Variants in SEMA3F observed in about 807,000 individuals in gnomAD.
SEMA3F encodes the protein semaphorin 3F.
Under a neutral mutation model 98.5 loss-of-function variants are expected in SEMA3F, and 30 were observed. That is an observed-to-expected ratio of 0.30 (90% CI 0.23 to 0.41). The LOEUF (loss-of-function observed/expected upper bound fraction) is 0.41, where lower values mean the gene tolerates loss of function less well. Among genes scored for constraint, SEMA3F ranks in the 10% least tolerant of loss-of-function variants. SEMA3F has a pLI of 1.00. For missense variants in SEMA3F, 866 were observed against 1,119.3 expected (o/e 0.77, Z 3.23); for synonymous variants, 380 against 444.8 (o/e 0.85, Z 1.83).
chr3:50,171,832 C>T (rs984295499), intron 2 of SEMA3F, among the ~76,000 whole-genome samples: 15 of 152,270 alleles, frequency 9.9e-5, no homozygotes, highest in African/African-American at 2.2e-4. Flanking sequence ...GTGAGGCCAT[C>T]GCCAGGCAGG....
At chr3:50,172,940 C>A (rs547113050) in intron 2 of SEMA3F, among the ~76,000 whole-genome samples, 59 of 152,300 alleles carry the variant, frequency 3.9e-4, no homozygotes, top group African/African-American at 1.1e-3. Context: ...CCACCCTGAG[C>A]GTGGGAGCAT....
chr3:50,182,880 C>T lies in SEMA3F; in HGVS notation c.904-24C>T, dbSNP rs760633375. ...GCTTGGGGTCAAGAGCTGATCTGAC[C>T]CGGCCTCTTGCCCCACCCCCCAGAA... On this transcript the variant is annotated intron_variant, in intron 9 of 18. Coordinates refer to ENST00000002829, the MANE Select transcript of SEMA3F (RefSeq NM_004186.5). The surrounding 1 kb of genome is among the most constrained non-coding windows in gnomAD (Gnocchi z 4.5). 30 of 1,611,852 alleles carry T rather than the reference C, an allele frequency of 1.9e-5. No individual in the cohort carries two copies. The highest frequency in any genetic ancestry group is 2.5e-5 in the Non-Finnish European group (29 of 1,178,618).
Position 50,186,760 on chromosome 3 carries a change from C to A in SEMA3F, c.1947+14C>A. The A allele has an allele frequency of 1.9e-6, 3 of 1,591,222 alleles. No homozygotes were observed. The highest frequency in any genetic ancestry group is 2.6e-6 in the Non-Finnish European group (3 of 1,163,558). On this transcript the variant is annotated intron_variant, in intron 18 of 18. Coordinates refer to ENST00000002829, the MANE Select transcript of SEMA3F (RefSeq NM_004186.5). ...CGGCGCCGAGAGGTGAGTTCCTGCG[C>A]CCGGTGCTGCACCGTGGATGTGAGT...
chr3:50,166,638 A>C lies in SEMA3F; in HGVS notation c.112+6904A>C, dbSNP rs1232269459. Among the ~76,000 whole-genome samples the C allele has an allele frequency of 6.6e-6, 1 of 151,868 alleles. No individual in the cohort carries two copies. Among genetic ancestry groups the C allele is most frequent in the Admixed American group, 6.6e-5 (1 of 15,256 alleles). On this transcript the variant is annotated intron_variant, in intron 2 of 18. Coordinates refer to ENST00000002829, the MANE Select transcript of SEMA3F (RefSeq NM_004186.5). This position sits in a 1 kb window ranked among gnomAD's most constrained non-coding sequence, Gnocchi z 4.7. ...GGGAGGGGCTAAGACTGTCTGGAAC[A>C]TCCCGGGAATCTCTGGGTGGGTGTT...
intron 12 of SEMA3F, 112 bp from the exon 13 acceptor site, chr3:50,184,480 G>A (rs1319659939): frequency 1.4e-6 from 1 of 739,640 alleles, no homozygotes; most frequent in Non-Finnish European, 2.3e-6. Context: ...TTTGGGGAGA[G>A]GAGCAGGTTG....
At chr3:50,164,180 G>C (rs1698317664) in intron 2 of SEMA3F, among the ~76,000 whole-genome samples, 1 of 152,218 alleles carries the variant, frequency 6.6e-6, no homozygotes, top group Non-Finnish European at 1.5e-5. Context: ...GACCTCCACT[G>C]TCTGGGCCTC....
At position 50,184,761 on chromosome 3, in the gene SEMA3F, T is replaced by C. The variant is rs763873712; in HGVS notation, c.1403T>C (p.Val468Ala). ...GAPYRLTTIA[V>A]DQVDAADGRY... The stretch of plus-strand genomic sequence containing the variant: ...CCCTACCGCCTTACCACTATTGCCG[T>C]GGACCAGGTGGATGCAGCCGACGGG... The change falls in exon 13 of 19, where the codon GTG becomes GCG. Residue 468 changes from valine to alanine, a missense_variant. Val to Ala is a moderately conservative substitution (Grantham distance 64). This residue lies in a region of SEMA3F where 374 missense variants were observed against 582.8 expected (regional missense o/e 0.64). Coordinates refer to ENST00000002829, the MANE Select transcript of SEMA3F (RefSeq NM_004186.5). 25 of 1,614,006 alleles carry C rather than the reference T, an allele frequency of 1.5e-5. No homozygotes were observed. Among genetic ancestry groups the C allele is most frequent in the Non-Finnish European group, 1.5e-5 (18 of 1,179,990 alleles).
chr3:50,187,152 C>T (rs914395637), intron 18 of SEMA3F, among the ~76,000 whole-genome samples: 9 of 152,142 alleles, frequency 5.9e-5, no homozygotes, highest in African/African-American at 1.4e-4. Context: ...TCTGGCTGGA[C>T]GTGGTGGCTC....
chr3:50,165,956 G>A (rs1698388180), intron 2 of SEMA3F, among the ~76,000 whole-genome samples: 1 of 152,190 alleles, frequency 6.6e-6, no homozygotes, highest in South Asian at 2.1e-4. Flanking sequence ...GACGGGCTGG[G>A]CTGACTTCTG....
chr3:50,182,672 T>C lies in SEMA3F; in HGVS notation c.792T>C (p.Ile264=), dbSNP rs1288579007. Residue 264 remains isoleucine, a synonymous_variant, in exon 9 of 19, where the codon ATT becomes ATC. Coordinates refer to ENST00000002829, the MANE Select transcript of SEMA3F (RefSeq NM_004186.5). The surrounding 1 kb of genome is among the most constrained non-coding windows in gnomAD (Gnocchi z 4.5). The part of the protein sequence containing the change: ...NDPSFIHAEL[I]PDSAERNDDK... ...CGTCGTTCATCCATGCTGAGCTCAT[T>C]CCTGACAGTGCGGAGCGCAATGATG... 8.7e-6 allele frequency: 14 copies of C among 1,613,684 alleles called. No individual in the cohort carries two copies. Among genetic ancestry groups the C allele is most frequent in the Non-Finnish European group, 1.1e-5 (13 of 1,179,994 alleles).
chr3:50,170,445 T>C (rs911703476), intron 2 of SEMA3F, among the ~76,000 whole-genome samples: 2 of 152,004 alleles, frequency 1.3e-5, no homozygotes, highest in African/African-American at 4.8e-5. Flanking sequence ...CTACAAGAGA[T>C]AGCGACACGT....
chr3:50,178,343 C>T (rs1322167280), intron 7 of SEMA3F, among the ~76,000 whole-genome samples: 1 of 152,188 alleles, frequency 6.6e-6, no homozygotes, highest in Non-Finnish European at 1.5e-5. Flanking sequence ...TTGCACACCT[C>T]CATCAGAGCT....
chr3:50,172,782 G>A (rs1271257095), intron 2 of SEMA3F, among the ~76,000 whole-genome samples: 1 of 152,154 alleles, frequency 6.6e-6, no homozygotes, highest in East Asian at 1.9e-4. Context: ...ACCTTGCTGT[G>A]CACCAGCTGT....
intron 7 of SEMA3F, among the ~76,000 whole-genome samples, chr3:50,180,716 A>G (rs1333197349): frequency 6.6e-6 from 1 of 152,226 alleles, no homozygotes; most frequent in African/African-American, 2.4e-5. Flanking sequence ...CAATAGTAAC[A>G]TCAAAGATCA....
At chr3:50,170,912 C>T (rs1226724783) in intron 2 of SEMA3F, among the ~76,000 whole-genome samples, 4 of 152,174 alleles carry the variant, frequency 2.6e-5, no homozygotes, top group Non-Finnish European at 5.9e-5. Context: ...GTCATGTGCC[C>T]TGTCCACGGG....
At position 50,186,263 on chromosome 3, in the gene SEMA3F, G is replaced by A; in HGVS notation, c.1746-18G>A. 1 of 1,612,758 alleles carries A rather than the reference G, an allele frequency of 6.2e-7. No individual in the cohort carries two copies. The highest frequency in any genetic ancestry group is 8.5e-7 in the Non-Finnish European group (1 of 1,179,554). ...CAAGCTTCCTGGGAGCACTCCTTCAGGGGCTATCCTCATCCAGGCGGAGCC... is the reference window on the plus strand; with the variant it reads ...CAAGCTTCCTGGGAGCACTCCTTCAAGGGCTATCCTCATCCAGGCGGAGCC... On this transcript the variant is annotated intron_variant, in intron 16 of 18. Transcript: ENST00000002829.
At chr3:50,165,011 G>A (rs1015294397) in intron 2 of SEMA3F, among the ~76,000 whole-genome samples, 11 of 152,240 alleles carry the variant, frequency 7.2e-5, no homozygotes, top group African/African-American at 2.7e-4. Flanking sequence ...GTCCCAGACT[G>A]CCTCACCCCT....
At chr3:50,184,219 ACAAG>A in intron 12 of SEMA3F, 1 of 280,772 alleles carries the variant, frequency 3.6e-6, no homozygotes, top group Non-Finnish European at 6.8e-6. Flanking sequence ...CTGGTGTGTG[ACAAG>A]GACGTCGGGG....
intron 5 of SEMA3F, 64 bp from the exon 6 acceptor site, chr3:50,175,032 G>C (rs1698754410): frequency 8.5e-7 from 1 of 1,172,346 alleles, no homozygotes; most frequent in Non-Finnish European, 1.3e-6. Context: ...GAGGCTGGCA[G>C]CCCGAGCCCG....
Sources: gnomAD v4.1 joint callset for allele counts (sites outside exome capture counted in the v4.1 genomes callset) on GRCh38, gnomAD v4.1.1 for gene constraint, gnomAD v4.1.1 regional missense constraint, Gnocchi (gnomAD v3.1) non-coding constraint, MANE v1.5 for transcripts, NCBI Gene and HGNC (gene_info 2026-07-23, HGNC 2026-07-21) for gene names.